Variants in TG observed in about 807,000 individuals in gnomAD.
TG encodes the protein thyroglobulin, also known as thyroid hormones.
TG carries 270 observed loss-of-function variants against 324.7 expected under a neutral mutation model. That is an observed-to-expected ratio of 0.83 (90% confidence interval 0.75 to 0.92). TG has a LOEUF of 0.92. Ranked by LOEUF, TG falls within the 40% of genes least tolerant of loss-of-function variation. The pLI is 0.00. For synonymous variants in TG, 1,401 were observed against 1,327.0 expected, an observed-to-expected ratio of 1.06 and a Z score of -1.21; for missense variants, 3,591 against 3,456.4, an observed-to-expected ratio of 1.04 and a Z score of -0.98.
chr8:133,060,093 G>C lies in TG; in HGVS notation c.7239+30070G>C, dbSNP rs750513703. 4.4e-6 allele frequency: 7 copies of C among 1,591,482 alleles called. No homozygotes were observed. In the East Asian group the frequency reaches 1.6e-4, roughly 36 times the overall value. On this transcript the variant is annotated intron_variant, in intron 41 of 47. Coordinates refer to ENST00000220616, the MANE Select transcript of TG (RefSeq NM_003235.5). ...CTCAAGCATCTCACCAGAGAAGCCA[G>C]ACTTACCCTCCGGGTTGGGCAGGGG...
chr8:133,092,212 G>C (rs546044740), intron 41 of TG, among the ~76,000 whole-genome samples: 18 of 152,332 alleles, frequency 1.2e-4, no homozygotes, highest in Non-Finnish European at 2.4e-4. Context: ...GGTTGTGTGT[G>C]TGGATATGTG....
intron 41 of TG, among the ~76,000 whole-genome samples, chr8:133,053,191 C>T (rs561990803): frequency 1.3e-5 from 2 of 152,286 alleles, no homozygotes; most frequent in South Asian, 4.1e-4. Flanking sequence ...CTCAGCCTTC[C>T]TGCTGTACTA....
Position 132,886,503 on chromosome 8 carries a change from T to C in TG, c.1131T>C (p.Phe377=). 19 of 1,614,212 alleles carry C rather than the reference T, an allele frequency of 1.2e-5. No individual in the cohort carries two copies. Among genetic ancestry groups the C allele is most frequent in the Non-Finnish European group, 1.5e-5 (18 of 1,180,034 alleles). Residue 377 remains phenylalanine, a synonymous_variant, in exon 9 of 48, where the codon TTT becomes TTC. Coordinates refer to ENST00000220616, the MANE Select transcript of TG (RefSeq NM_003235.5). The part of the protein sequence containing the change: ...ERQQALSRLY[F]GTSGYFSQHD... ...AGCAGGCCTTGTCCAGACTCTACTT[T>C]GGGACCTCAGGCTACTTCAGCCAGC...
At chr8:133,024,181 G>A (rs1455824976) in intron 40 of TG, among the ~76,000 whole-genome samples, 1 of 152,206 alleles carries the variant, frequency 6.6e-6, no homozygotes, top group Non-Finnish European at 1.5e-5. Flanking sequence ...AACTCTGTTG[G>A]TGGAACAACA....
intron 28 of TG, 35 bp downstream of exon 28, chr8:132,961,108 C>T (rs372066067): frequency 3.1e-5 from 49 of 1,603,210 alleles, no homozygotes; most frequent in Admixed American, 5.0e-5. Context: ...GTTAGCAGGA[C>T]GCTGATTACA....
intron 40 of TG, among the ~76,000 whole-genome samples, chr8:133,025,378 T>G (rs1416303644): frequency 2.6e-5 from 4 of 152,232 alleles, no homozygotes; most frequent in Non-Finnish European, 5.9e-5. Flanking sequence ...GCGACACTGG[T>G]GCAACTGTTC....
In TG at chr8:133,113,512, C is replaced by T. The variant is rs370013278; in HGVS notation, c.7663C>T (p.Arg2555Cys). 15 of 1,613,880 alleles carry T rather than the reference C, an allele frequency of 9.3e-6. No homozygotes were observed. Among genetic ancestry groups the T allele is most frequent in the South Asian group, 6.6e-5 (6 of 91,072 alleles). Residue 2555 changes from arginine (R) to cysteine (C), a missense_variant, in exon 44 of 48, where the codon CGC becomes TGC. Coordinates refer to ENST00000220616, the MANE Select transcript of TG (RefSeq NM_003235.5). ...NSLGGEDSDARVEAAATWYYS... is the reference protein window; with the variant it reads ...NSLGGEDSDACVEAAATWYYS... ...TCTGGGTGGCGAGGACTCAGATGCC[C>T]GCGTCGAGGCTGCTGCTACATGGTA...
At chr8:133,077,234 T>C (rs761514526) in intron 41 of TG, among the ~76,000 whole-genome samples, 11 of 152,068 alleles carry the variant, frequency 7.2e-5, no homozygotes, top group Non-Finnish European at 1.2e-4. Flanking sequence ...GCCCTAAAGA[T>C]GTTCAAGTCA....
chr8:133,035,355 T>C (rs958718065), intron 41 of TG, among the ~76,000 whole-genome samples: 3 of 152,244 alleles, frequency 2.0e-5, no homozygotes, highest in African/African-American at 7.2e-5. Context: ...TTTCCAATTT[T>C]ATTGCTTTAT....
intron 40 of TG, 80 bp downstream of exon 40, chr8:133,022,230 C>A: frequency 1.3e-6 from 2 of 1,585,030 alleles, no homozygotes; most frequent in Admixed American, 3.3e-5. Context: ...CATCCCCTCA[C>A]TGCCCCTGCT....
chr8:133,059,921 T>C (rs1842116692), intron 41 of TG, among the ~76,000 whole-genome samples: 1 of 152,214 alleles, frequency 6.6e-6, no homozygotes, highest in African/African-American at 2.4e-5. Flanking sequence ...CACCCAATTC[T>C]TTTCGTCTTT....
intron 41 of TG, among the ~76,000 whole-genome samples, chr8:133,031,499 G>C (rs1219282832): frequency 6.6e-6 from 1 of 152,122 alleles, no homozygotes; most frequent in Admixed American, 6.5e-5. Context: ...TCTTAAAGCT[G>C]GGTGAAGAAT....
chr8:132,886,255 T>G (rs1457292323), intron 8 of TG, among the ~76,000 whole-genome samples, 193 bp from the exon 9 acceptor site: 1 of 152,048 alleles, frequency 6.6e-6, no homozygotes, highest in African/African-American at 2.4e-5. Flanking sequence ...AAAGTCACAC[T>G]TCCAAAATGG....
At chr8:132,923,115 G>A (rs1406121032) in intron 21 of TG, among the ~76,000 whole-genome samples, 1 of 152,178 alleles carries the variant, frequency 6.6e-6, no homozygotes, top group Non-Finnish European at 1.5e-5. Context: ...GAAGCAGGTG[G>A]TGTGTGAAGC....
intron 18 of TG, among the ~76,000 whole-genome samples, chr8:132,909,459 C>T (rs1464857469): frequency 6.6e-6 from 1 of 152,130 alleles, no homozygotes; most frequent in Admixed American, 6.5e-5. Flanking sequence ...GAGCTGAGGA[C>T]CATGCTGAAG....
At chr8:133,107,518 G>A (rs1316775891) in intron 43 of TG, among the ~76,000 whole-genome samples, 3 of 152,266 alleles carry the variant, frequency 2.0e-5, no homozygotes, top group African/African-American at 4.8e-5. Context: ...CCCCACTCCC[G>A]CCTGCTGACT....
rs554606153 is a variant in TG, at chr8:132,892,424, A to G, written c.2762-1266A>G. Among the ~76,000 whole-genome samples, 39 of 152,324 alleles carry G rather than the reference A, an allele frequency of 2.6e-4. No homozygotes were observed. In the South Asian group the frequency reaches 3.9e-3, roughly 15 times the overall value. The stretch of plus-strand genomic sequence containing the variant: ...TCATCTGTAGCATGAGAATAAGAAT[A>G]TTTTATTGGGCTGTTGCATCAATTA... On this transcript the variant is annotated intron_variant, in intron 10 of 47. Coordinates refer to ENST00000220616, the MANE Select transcript of TG (RefSeq NM_003235.5).
At chr8:133,016,057 C>T (rs1834997639) in intron 37 of TG, among the ~76,000 whole-genome samples, 1 of 151,816 alleles carries the variant, frequency 6.6e-6, no homozygotes. Context: ...TGGAACATTA[C>T]AGGTGTTATT....
At chr8:132,989,814 C>G (rs1832079259) in intron 35 of TG, among the ~76,000 whole-genome samples, 1 of 152,164 alleles carries the variant, frequency 6.6e-6, no homozygotes, top group Non-Finnish European at 1.5e-5. Flanking sequence ...CATGTACACC[C>G]TCTAAGCGAG....
Sources: gnomAD v4.1 joint callset for allele counts (sites outside exome capture counted in the v4.1 genomes callset) on GRCh38, gnomAD v4.1.1 for gene constraint, MANE v1.5 for transcripts, NCBI Gene and HGNC (gene_info 2026-07-23, HGNC 2026-07-21) for gene names.